PARN: variants seen among roughly 807,000 people sequenced by gnomAD.
The protein encoded by PARN is poly(A)-specific ribonuclease.
Under a neutral mutation model 102.8 loss-of-function variants are expected in PARN, and 71 were observed. The ratio of observed to expected loss-of-function variants is 0.69; its 90% CI spans 0.57 to 0.84. The LOEUF is 0.84. Among genes scored for constraint, PARN ranks in the 40% least tolerant of loss-of-function variants. The probability of loss-of-function intolerance (pLI) is 0.00; values close to 1 mark genes in which losing one functional copy is unlikely to be tolerated. For synonymous variants in PARN, 261 were observed against 252.9 expected (o/e 1.03, Z -0.30); for missense variants, 782 against 760.9 (o/e 1.03, Z -0.33).
intron 21 of PARN, among the ~76,000 whole-genome samples, chr16:14,532,193 TTA>T (rs1491527702): frequency 1.5e-4 from 23 of 151,078 alleles, no homozygotes; most frequent in Non-Finnish European, 1.9e-4. Context: ...TTTTTTTTTT[TTA>T]ATTGTTCATT....
At chr16:14,451,263 C>A (rs773540417) in intron 22 of PARN, among the ~76,000 whole-genome samples, 1 of 152,214 alleles carries the variant, frequency 6.6e-6, no homozygotes, top group Non-Finnish European at 1.5e-5. Context: ...CACTCTCCTC[C>A]GGGAATGTTC....
At chr16:14,594,396 A>G (rs1011073097) in intron 12 of PARN, among the ~76,000 whole-genome samples, 2 of 152,214 alleles carry the variant, frequency 1.3e-5, no homozygotes. Context: ...AGATTTAGCC[A>G]GCCAGGTGAC....
At chr16:14,627,646 A>G (rs1972760198) in intron 3 of PARN, among the ~76,000 whole-genome samples, 1 of 152,142 alleles carries the variant, frequency 6.6e-6, no homozygotes, top group African/African-American at 2.4e-5. Flanking sequence ...CTTTCCCCAA[A>G]ATATTTTCCA....
At chr16:14,447,117 T>C in intron 22 of PARN, 36 bp from the exon 23 acceptor site, 1 of 1,478,518 alleles carries the variant, frequency 6.8e-7, no homozygotes, top group Non-Finnish European at 9.3e-7. Context: ...TAAAAGGTGC[T>C]GAGAGTTACA....
intron 22 of PARN, among the ~76,000 whole-genome samples, chr16:14,479,190 A>T (rs1389859238): frequency 6.6e-6 from 1 of 152,186 alleles, no homozygotes; most frequent in Non-Finnish European, 1.5e-5. Flanking sequence ...AGGCCAAGGT[A>T]GGAGGTTGAC....
rs546782318 is a variant in PARN, at chr16:14,598,374, C to T, written c.840+1530G>A. On this transcript the variant is annotated intron_variant, in intron 12 of 23. Coordinates refer to ENST00000437198, the MANE Select transcript of PARN (RefSeq NM_002582.4). ...AACAGGTACAGCAAGCTAAGGTATC[C>T]GAATGTGTATAAGACAAACAAATGT... Among the ~76,000 whole-genome samples the T allele has an allele frequency of 8.5e-5, 13 of 152,096 alleles. No individual in the cohort carries two copies. In the East Asian group the frequency reaches 1.7e-3, roughly 20 times the overall value.
chr16:14,482,218 G>A (rs924688761), intron 22 of PARN, among the ~76,000 whole-genome samples: 3 of 152,086 alleles, frequency 2.0e-5, no homozygotes, highest in Non-Finnish European at 2.9e-5. Context: ...GCAATAGAGC[G>A]AGACCTCATC....
chr16:14,560,370 C>G (rs1271651089), intron 18 of PARN, among the ~76,000 whole-genome samples: 1 of 152,188 alleles, frequency 6.6e-6, no homozygotes, highest in Non-Finnish European at 1.5e-5. Context: ...GGTAAAGACC[C>G]TCAAGACTGC....
intron 16 of PARN, 104 bp downstream of exon 16, chr16:14,584,243 A>G (rs1969703515): frequency 1.3e-6 from 1 of 770,858 alleles, no homozygotes; most frequent in Non-Finnish European, 2.2e-6. Context: ...GCCAAAATCT[A>G]TAAATGAACA....
chr16:14,444,064 A>T (rs1443697689), intron 23 of PARN, among the ~76,000 whole-genome samples: 3 of 152,162 alleles, frequency 2.0e-5, no homozygotes, highest in African/African-American at 7.2e-5. Flanking sequence ...TCATTATGGG[A>T]CCTTATTAAA....
At chr16:14,544,530 G>A (rs569505329) in intron 21 of PARN, among the ~76,000 whole-genome samples, 16 of 151,984 alleles carry the variant, frequency 1.1e-4, no homozygotes, top group Non-Finnish European at 1.9e-4. Context: ...AGCTGAGACC[G>A]CACCACTGCA....
At position 14,627,565 on chromosome 16, in the gene PARN, G is replaced by A. The variant is rs527867796; in HGVS notation, c.178-229C>T. On this transcript the variant is annotated intron_variant, in intron 3 of 23. Transcript: ENST00000437198. ...TCCATCATCCAAAGAATCATATTAG[G>A]TCTATTTCCAAATGATTAAAATAAC... Among the ~76,000 whole-genome samples the A allele has an allele frequency of 3.3e-5, 5 of 152,198 alleles. No individual in the cohort carries two copies. In the South Asian group the frequency reaches 8.3e-4, roughly 25 times the overall value.
chr16:14,483,622 G>A (rs1257087951), intron 21 of PARN, among the ~76,000 whole-genome samples: 3 of 151,958 alleles, frequency 2.0e-5, no homozygotes, highest in African/African-American at 7.3e-5. Context: ...CATCCATCAC[G>A]CAAATTAAGA....
intron 10 of PARN, 90 bp from the exon 11 acceptor site, chr16:14,604,316 A>C: frequency 1.3e-6 from 1 of 777,032 alleles, no homozygotes. Context: ...GCTGGAGTGC[A>C]ATTGCATGAT....
At chr16:14,554,953 A>G (rs1296171174) in intron 19 of PARN, among the ~76,000 whole-genome samples, 1 of 152,240 alleles carries the variant, frequency 6.6e-6, no homozygotes, top group Non-Finnish European at 1.5e-5. Context: ...TCTAAGCAAG[A>G]GATCTAACCA....
At chr16:14,453,773 T>C (rs1314585628) in intron 22 of PARN, among the ~76,000 whole-genome samples, 2 of 152,254 alleles carry the variant, frequency 1.3e-5, no homozygotes, top group African/African-American at 4.8e-5. Flanking sequence ...ATTAGTACTT[T>C]ATTTCATAGT....
Position 14,553,094 on chromosome 16 carries a change from A to C in PARN, c.1405+971T>G, listed in dbSNP as rs78831511. On this transcript the variant is annotated intron_variant, in intron 20 of 23. Transcript: ENST00000437198. The stretch of plus-strand genomic sequence containing the variant: ...GGAGGCACTGCTGTGAAAGTCTACT[A>C]TTCTAAAATATCAATTTAAAAAAAA... 1.6e-3 allele frequency among the ~76,000 whole-genome samples: 249 copies of C among 151,792 alleles called. 2 individuals are homozygous for C. The highest frequency in any genetic ancestry group is 0.012 in the Admixed American group (181 of 15,224).
intron 23 of PARN, among the ~76,000 whole-genome samples, chr16:14,441,768 G>A (rs1037673394): frequency 1.4e-4 from 22 of 152,206 alleles, no homozygotes; most frequent in African/African-American, 4.1e-4. Context: ...TTGGGAGGCC[G>A]CTCGGCTGCC....
intron 23 of PARN, among the ~76,000 whole-genome samples, chr16:14,445,728 A>G (rs1012335613): frequency 8.5e-5 from 13 of 152,126 alleles, no homozygotes; most frequent in African/African-American, 3.1e-4. Flanking sequence ...ACACCTGGCT[A>G]ATTTTTTGTA....
Sources: gnomAD v4.1 joint callset for allele counts (sites outside exome capture counted in the v4.1 genomes callset) on GRCh38, gnomAD v4.1.1 for gene constraint, MANE v1.5 for transcripts, NCBI Gene and HGNC (gene_info 2026-07-23, HGNC 2026-07-21) for gene names.